Variants in ZNF439 observed in about 807,000 individuals in gnomAD.
The protein encoded by ZNF439 is zinc finger protein 439.
In ZNF439, 40 loss-of-function variants were observed where a neutral mutation model predicts 47.3. The observed-to-expected ratio is 0.85, with a 90% CI of 0.66 to 1.10. ZNF439 has a LOEUF of 1.10. Ranked by LOEUF, ZNF439 falls within the 50% of genes least tolerant of loss-of-function variation. The pLI is 0.00. For synonymous variants in ZNF439, 171 were observed against 198.8 expected (o/e 0.86, Z 1.18); for missense variants, 556 against 601.1 (o/e 0.93, Z 0.78).
In ZNF439 at chr19:11,867,792, G is replaced by A. The variant is rs370512382; in HGVS notation, c.738G>A (p.Pro246=). 47 of 1,613,386 alleles carry A rather than the reference G, an allele frequency of 2.9e-5. No individual in the cohort carries two copies. Among genetic ancestry groups the A allele is most frequent in the African/African-American group, 9.4e-5 (7 of 74,748 alleles). The change falls in exon 4 of 4, where the codon CCG becomes CCA. Residue 246 remains proline, a synonymous_variant. Transcript: ENST00000682736. ...IHERTHTGEK[P]YECKQCGKSF... Reference sequence around the variant, plus strand: ...AAAGAACTCACACTGGAGAGAAACCGTATGAATGTAAACAATGTGGTAAAT... The same window carrying A: ...AAAGAACTCACACTGGAGAGAAACCATATGAATGTAAACAATGTGGTAAAT...
intron 1 of ZNF439, among the ~76,000 whole-genome samples, chr19:11,858,871 T>C (rs1462300225): frequency 6.6e-6 from 1 of 152,218 alleles, no homozygotes; most frequent in East Asian, 1.9e-4. Context: ...CTTATTGATA[T>C]AGGATCAGGG....
chr19:11,866,417 G>A (rs1260071034), intron 2 of ZNF439, 86 bp downstream of exon 2: 1 of 1,605,824 alleles, frequency 6.2e-7, no homozygotes, highest in Non-Finnish European at 8.5e-7. Context: ...TTGGAACACA[G>A]ACAGGAAATA....
chr19:11,852,248 C>CT (rs1976267546), intron 1 of ZNF439, among the ~76,000 whole-genome samples: 1 of 152,040 alleles, frequency 6.6e-6, no homozygotes, highest in East Asian at 1.9e-4. Flanking sequence ...TAGTGAGACC[C>CT]CCCATCTCAA....
Position 11,866,000 on chromosome 19 carries a change from A to C in ZNF439, c.64-205A>C, listed in dbSNP as rs900596631. The C allele has an allele frequency of 2.2e-6, 3 of 1,392,144 alleles. No individual in the cohort carries two copies. In the African/African-American group the frequency reaches 4.5e-5, roughly 21 times the overall value. 86.2% of individuals were successfully genotyped at this position (1,392,144 alleles called of 1,614,324 possible). On this transcript the variant is annotated intron_variant, in intron 1 of 3. Coordinates refer to ENST00000682736, the MANE Select transcript of ZNF439 (RefSeq NM_001348719.2). ...ATTGTACTCCAGCCTGGGCAATAAG[A>C]GTGAAATTCTGTCTCAAAAAAATAA...
In ZNF439 at chr19:11,867,655, A is replaced by T; in HGVS notation, c.601A>T (p.Ile201Phe). Residue 201 changes from isoleucine (I) to phenylalanine (F), a missense_variant, in exon 4 of 4, where the codon ATT becomes TTT. Coordinates refer to ENST00000682736, the MANE Select transcript of ZNF439 (RefSeq NM_001348719.2). ...YACKECGKNI[I>F]YHSSIQRHMV... ...TTGTAAAGAATGTGGAAAAAACATT[A>T]TTTACCATTCAAGCATTCAAAGACA... 1.2e-6 allele frequency: 2 copies of T among 1,614,104 alleles called. No homozygotes were observed. Among genetic ancestry groups the T allele is most frequent in the Non-Finnish European group, 1.7e-6 (2 of 1,179,980 alleles).
chr19:11,849,822 C>T (rs964067610), intron 1 of ZNF439: 40 of 152,126 alleles, frequency 2.6e-4, no homozygotes, highest in African/African-American at 8.2e-4. Flanking sequence ...TTACCTTTGC[C>T]TTGCGTGGCC....
At chr19:11,865,988 C>T (rs1343003525) in intron 1 of ZNF439, 2 of 1,366,888 alleles carry the variant, frequency 1.5e-6, no homozygotes, top group Non-Finnish European at 1.9e-6. Context: ...GTACTCCAGC[C>T]TGGGCAATAA....
At chr19:11,863,152 C>CTTTTTT (rs34655587) in intron 1 of ZNF439, among the ~76,000 whole-genome samples, 16 of 90,058 alleles carry the variant, frequency 1.8e-4, no homozygotes, top group Non-Finnish European at 2.9e-4. Flanking sequence ...AAAGATTTTG[C>CTTTTTT]TTTTTTTTTT....
intron 1 of ZNF439, among the ~76,000 whole-genome samples, chr19:11,864,795 C>A (rs779649575): frequency 6.6e-6 from 1 of 150,874 alleles, no homozygotes; most frequent in Non-Finnish European, 1.5e-5. Flanking sequence ...TGTTTTCTTT[C>A]TTTCTTTTTT....
Position 11,868,238 on chromosome 19 carries a change from C to T in ZNF439, c.1184C>T (p.Ala395Val). 1 of 1,614,060 alleles carries T rather than the reference C, an allele frequency of 6.2e-7. No individual in the cohort carries two copies. Among genetic ancestry groups the T allele is most frequent in the Non-Finnish European group, 8.5e-7 (1 of 1,180,008 alleles). Residue 395 changes from alanine (A) to valine (V), a missense_variant, in exon 4 of 4, where the codon GCC becomes GTC. Coordinates refer to ENST00000682736, the MANE Select transcript of ZNF439 (RefSeq NM_001348719.2). ...TATAAATGCAAGCAATGTGGTAAAG[C>T]CTTCACTCGTTCCGGTTCCTTTCGA... ...KPYKCKQCGK[A>V]FTRSGSFRYH...
At chr19:11,861,684 G>A (rs279211) in intron 1 of ZNF439, among the ~76,000 whole-genome samples, 24,031 of 152,210 alleles carry the variant, frequency 0.16, 4,733 homozygotes, top group African/African-American at 0.47. Context: ...CCCAAAAGAA[G>A]AGGAAAGGCC....
At chr19:11,849,340 G>T in intron 1 of ZNF439, 1 of 969,796 alleles carries the variant, frequency 1.0e-6, no homozygotes, top group African/African-American at 1.8e-5. Context: ...TTCATTTGAG[G>T]AAACAGCCAT....
intron 1 of ZNF439, among the ~76,000 whole-genome samples, chr19:11,862,166 TC>T (rs1459922661): frequency 6.6e-6 from 1 of 152,194 alleles, no homozygotes; most frequent in Non-Finnish European, 1.5e-5. Flanking sequence ...TGCCTCAGCT[TC>T]CCAAAGTGCT....
chr19:11,868,041 A>G lies in ZNF439; in HGVS notation c.987A>G (p.Lys329=). Residue 329 remains lysine, a synonymous_variant, in exon 4 of 4, where the codon AAA becomes AAG. Transcript: ENST00000682736. ...RRHERTHSRK[K]LYECKQCGKA... is the part of the protein sequence containing the mutation. ...ATGAAAGGACCCACTCTAGGAAAAA[A>G]CTTTATGAATGTAAGCAGTGTGGGA... 1 of 1,614,168 alleles carries G rather than the reference A, an allele frequency of 6.2e-7. No homozygotes were observed. Among genetic ancestry groups the G allele is most frequent in the South Asian group, 1.1e-5 (1 of 91,086 alleles).
intron 1 of ZNF439, chr19:11,849,143 C>T (rs1976158562): frequency 4.4e-6 from 5 of 1,140,944 alleles, no homozygotes; most frequent in Non-Finnish European, 5.4e-6. Context: ...GGCCTTGGCC[C>T]CGAAGCCCTT....
chr19:11,860,986 C>T (rs1976524706), intron 1 of ZNF439, among the ~76,000 whole-genome samples: 1 of 152,176 alleles, frequency 6.6e-6, no homozygotes, highest in South Asian at 2.1e-4. Flanking sequence ...GCTCCCAACC[C>T]TTAGGTAGGA....
rs745770184 is a variant in ZNF439 at position 11,859,826 on chromosome 19, C to T, written c.64-6379C>T. On this transcript the variant is annotated intron_variant, in intron 1 of 3. Transcript: ENST00000682736. The stretch of plus-strand genomic sequence containing the variant: ...GGCGGTATAGGCCAATTTTTATCCT[C>T]CTTCTCCTGTTTATTATTTTCAGTT... 2.0e-5 allele frequency among the ~76,000 whole-genome samples: 3 copies of T among 152,118 alleles called. No homozygotes were observed. The South Asian group carries it at 6.2e-4, about 31-fold the overall frequency.
At chr19:11,867,066 A>G (rs906420406) in intron 3 of ZNF439, among the ~76,000 whole-genome samples, 1 of 152,196 alleles carries the variant, frequency 6.6e-6, no homozygotes, top group Non-Finnish European at 1.5e-5. Context: ...AGTATTTAGT[A>G]TTTTAAAATA....
chr19:11,860,891 A>G (rs1976522768), intron 1 of ZNF439, among the ~76,000 whole-genome samples: 1 of 152,198 alleles, frequency 6.6e-6, no homozygotes, highest in South Asian at 2.1e-4. Flanking sequence ...GTTTGCCCAC[A>G]TTCTGCATTG....
Sources: gnomAD v4.1 joint callset for allele counts (sites outside exome capture counted in the v4.1 genomes callset) on GRCh38, gnomAD v4.1.1 for gene constraint, MANE v1.5 for transcripts, NCBI Gene and HGNC (gene_info 2026-07-23, HGNC 2026-07-21) for gene names.